The following HMG20A variants were observed in gnomAD, a reference collection of about 807,000 sequenced individuals.
The protein encoded by HMG20A is high mobility group protein 20A.
A neutral mutation model predicts 43.9 loss-of-function variants in HMG20A; 17 were observed. The observed-to-expected ratio is 0.39, with a 90% CI of 0.27 to 0.58. The LOEUF (loss-of-function observed/expected upper bound fraction) is 0.58, where lower values mean the gene tolerates loss of function less well. Among genes scored for constraint, HMG20A ranks in the 20% least tolerant of loss-of-function variants. HMG20A has a pLI of 0.59. For synonymous variants in HMG20A, 132 were observed against 147.5 expected (o/e 0.89, Z 0.76); for missense variants, 341 against 438.2 (o/e 0.78, Z 1.98).
chr15:77,461,871 A>G (rs1463623762), intron 2 of HMG20A, among the ~76,000 whole-genome samples: 1 of 152,270 alleles, frequency 6.6e-6, no homozygotes, highest in Non-Finnish European at 1.5e-5. Context: ...TAACACATCT[A>G]AAATGATTGA....
At chr15:77,487,781 A>G (rs1330144986), downstream of HMG20A, among the ~76,000 whole-genome samples, 4 of 152,178 alleles carry the variant, frequency 2.6e-5, no homozygotes, top group Non-Finnish European at 4.4e-5. Flanking sequence ...GTTCCAAGTC[A>G]GGGGTTTTTT....
Position 77,443,352 on chromosome 15 carries a change from T to TATGATGATG in HMG20A, c.-4-15031_-4-15023dup, listed in dbSNP as rs771200087. On this transcript the variant is annotated intron_variant, in intron 1 of 9. Coordinates refer to ENST00000336216, the MANE Select transcript of HMG20A (RefSeq NM_001304504.2). Reference sequence around the variant, plus strand: ...TCTTTGTTCTTATATATCTATTTTTTATGATGATGATGATGATGATGATGA... The same window carrying TATGATGATG: ...TCTTTGTTCTTATATATCTATTTTTTATGATGATGATGATGATGATGATGATGATGATGA... 8.8e-3 allele frequency among the ~76,000 whole-genome samples: 1,253 copies of TATGATGATG among 141,740 alleles called. 21 individuals carry two copies. The highest frequency in any genetic ancestry group is 0.027 in the African/African-American group (1,034 of 38,234). 93.0% of individuals were successfully genotyped at this position (141,740 alleles called of 152,430 possible).
intron 3 of HMG20A, among the ~76,000 whole-genome samples, chr15:77,466,330 G>A (rs564605412): frequency 3.9e-5 from 6 of 152,134 alleles, no homozygotes; most frequent in Non-Finnish European, 5.9e-5. Flanking sequence ...GCGGTGAGCC[G>A]AGATAGCGCC....
chr15:77,495,894 C>G, the HMG20A span, among the ~76,000 whole-genome samples: 3 of 152,182 alleles, frequency 2.0e-5, no homozygotes, highest in African/African-American at 7.2e-5. Context: ...CCCTCCTTCC[C>G]CCACTGCAGC....
chr15:77,485,760 C>T (rs1283532693), downstream of HMG20A, among the ~76,000 whole-genome samples: 2 of 152,040 alleles, frequency 1.3e-5, no homozygotes, highest in Admixed American at 6.6e-5. Flanking sequence ...GGTGAAACCC[C>T]GTCTCTACTA....
the HMG20A span, among the ~76,000 whole-genome samples, chr15:77,500,325 T>C: frequency 1.1e-4 from 17 of 152,232 alleles, no homozygotes; most frequent in Non-Finnish European, 1.5e-5. Flanking sequence ...TGCTTTGTAC[T>C]GCAAAACCCA....
At chr15:77,436,544 T>A (rs1432788380) in intron 1 of HMG20A, among the ~76,000 whole-genome samples, 1 of 151,968 alleles carries the variant, frequency 6.6e-6, no homozygotes, top group East Asian at 1.9e-4. Flanking sequence ...TTGAATCCTC[T>A]GCCTCCCAGG....
chr15:77,470,869 G>C, intron 4 of HMG20A, 41 bp from the exon 5 acceptor site: 2 of 1,497,350 alleles, frequency 1.3e-6, no homozygotes, highest in Non-Finnish European at 1.8e-6. Flanking sequence ...ATTTAAATAG[G>C]ATCTCATTTT....
the HMG20A span, among the ~76,000 whole-genome samples, chr15:77,499,212 G>C: frequency 1.9e-4 from 29 of 152,102 alleles, no homozygotes; most frequent in Non-Finnish European, 3.7e-4. Flanking sequence ...ACATCATCTG[G>C]ACCTTGGCAT....
At chr15:77,499,904 A>T in the HMG20A span, among the ~76,000 whole-genome samples, 2 of 151,116 alleles carry the variant, frequency 1.3e-5, no homozygotes, top group African/African-American at 4.9e-5. Context: ...ATCCTGGCTC[A>T]CTGCAACCTC....
At chr15:77,448,390 G>C (rs1296609016) in intron 1 of HMG20A, among the ~76,000 whole-genome samples, 1 of 151,140 alleles carries the variant, frequency 6.6e-6, no homozygotes, top group Non-Finnish European at 1.5e-5. Context: ...TGCACTAGTT[G>C]TTTCCTCTGC....
intron 2 of HMG20A, among the ~76,000 whole-genome samples, chr15:77,462,797 G>A (rs1299755367): frequency 9.4e-6 from 1 of 105,826 alleles, no homozygotes; most frequent in African/African-American, 3.7e-5. Context: ...TTTTGAGACT[G>A]AGTCTTACTC....
rs76407319 is a variant in HMG20A at position 77,424,992 on chromosome 15, A to AT, written c.-5+3997dup. 2.9e-3 allele frequency among the ~76,000 whole-genome samples: 431 copies of AT among 151,148 alleles called. 10 individuals carry two copies. The East Asian group carries it at 0.039, about 14-fold the overall frequency. On this transcript the variant is annotated intron_variant, in intron 1 of 9. Transcript: ENST00000336216. ...AATCTGTACTGCACCCAGCATTAATATTTTTTTTTGCTCATGCTATTTTCT... is the reference window on the plus strand; with the variant it reads ...AATCTGTACTGCACCCAGCATTAATATTTTTTTTTTGCTCATGCTATTTTCT...
intron 6 of HMG20A, among the ~76,000 whole-genome samples, chr15:77,473,027 A>G (rs763415216): frequency 7.9e-5 from 12 of 152,248 alleles, no homozygotes; most frequent in Non-Finnish European, 1.2e-4. Flanking sequence ...TTGAACAAAA[A>G]GAATTTTCTG....
chr15:77,443,987 A>G (rs1319038414), intron 1 of HMG20A, among the ~76,000 whole-genome samples: 1 of 152,190 alleles, frequency 6.6e-6, no homozygotes, highest in Admixed American at 6.5e-5. Flanking sequence ...TTGGGATTAC[A>G]AGTGTGAGCC....
At chr15:77,486,811 C>T (rs2072948062), downstream of HMG20A, among the ~76,000 whole-genome samples, 1 of 152,174 alleles carries the variant, frequency 6.6e-6, no homozygotes, top group Admixed American at 6.5e-5. Context: ...ACAGAATCCA[C>T]CTTGCCTTGG....
At chr15:77,508,259 C>T in the HMG20A span, among the ~76,000 whole-genome samples, 2 of 152,236 alleles carry the variant, frequency 1.3e-5, no homozygotes, top group South Asian at 2.1e-4. Context: ...TGCCCCTTCC[C>T]GCCTACTCAG....
chr15:77,436,337 A>G (rs1168021870), intron 1 of HMG20A, among the ~76,000 whole-genome samples: 1 of 151,750 alleles, frequency 6.6e-6, no homozygotes, highest in African/African-American at 2.4e-5. Context: ...TCTCAGATCC[A>G]CCCTCTTTGC....
At chr15:77,452,072 A>G (rs1168789827) in intron 1 of HMG20A, among the ~76,000 whole-genome samples, 2 of 152,250 alleles carry the variant, frequency 1.3e-5, no homozygotes, top group East Asian at 3.8e-4. Flanking sequence ...CATTTAAAAG[A>G]CACATAATCT....
Sources: gnomAD v4.1 joint callset for allele counts (sites outside exome capture counted in the v4.1 genomes callset) on GRCh38, gnomAD v4.1.1 for gene constraint, MANE v1.5 for transcripts, NCBI Gene and HGNC (gene_info 2026-07-23, HGNC 2026-07-21) for gene names.